CSMD1: variants seen among roughly 807,000 people sequenced by gnomAD.
The protein encoded by CSMD1 is CUB and sushi domain-containing protein 1.
A neutral mutation model predicts 417.5 loss-of-function variants in CSMD1; 213 were observed. The ratio of observed to expected loss-of-function variants is 0.51; its 90% CI spans 0.46 to 0.57. The LOEUF (loss-of-function observed/expected upper bound fraction) is 0.57, where lower values mean the gene tolerates loss of function less well. Ranked by LOEUF, CSMD1 falls within the 20% of genes least tolerant of loss-of-function variation. CSMD1 has a pLI of 0.00. For synonymous variants in CSMD1, 2,862 were observed against 1,736.8 expected, an observed-to-expected ratio of 1.65 and a Z score of -16.11; for missense variants, 6,923 against 4,529.7, an observed-to-expected ratio of 1.53 and a Z score of -15.17.
intron 1 of CSMD1, among the ~76,000 whole-genome samples, chr8:4,746,766 G>C (rs1018637986): frequency 2.0e-5 from 3 of 152,150 alleles, no homozygotes; most frequent in African/African-American, 7.2e-5. Flanking sequence ...CTACAGCAGC[G>C]AGGTCATTCT....
intron 3 of CSMD1, among the ~76,000 whole-genome samples, chr8:4,131,590 C>T (rs1213561516): frequency 2.7e-4 from 41 of 151,864 alleles, no homozygotes; most frequent in Admixed American, 2.4e-3. Flanking sequence ...CTGCATAGTC[C>T]CTAATGCTTA....
At chr8:4,118,141 G>C (rs1802267959) in intron 3 of CSMD1, among the ~76,000 whole-genome samples, 1 of 152,078 alleles carries the variant, frequency 6.6e-6, no homozygotes, top group Admixed American at 6.6e-5. Context: ...ACGGCCCTTG[G>C]CAGACTCTCA....
chr8:3,811,480 C>T (rs1173052934), intron 5 of CSMD1, among the ~76,000 whole-genome samples: 1 of 152,030 alleles, frequency 6.6e-6, no homozygotes, highest in Non-Finnish European at 1.5e-5. Flanking sequence ...TGGTTTTTCC[C>T]AACCGAGTGC....
chr8:3,616,981 CAT>C (rs3830252), intron 7 of CSMD1, among the ~76,000 whole-genome samples, 184 bp from the exon 8 acceptor site: 56,828 of 151,790 alleles, frequency 0.37, 10,853 homozygotes, highest in Middle Eastern at 0.49. Flanking sequence ...GAAAATCAAA[CAT>C]GTGTTTTCCA....
intron 1 of CSMD1, among the ~76,000 whole-genome samples, chr8:4,649,280 T>G (rs563896837): frequency 6.6e-6 from 1 of 152,358 alleles, no homozygotes; most frequent in East Asian, 1.9e-4. Context: ...GGAGTGACTA[T>G]TGTATCTGAT....
chr8:4,021,686 T>A (rs926982562), intron 4 of CSMD1, among the ~76,000 whole-genome samples: 8 of 152,216 alleles, frequency 5.3e-5, no homozygotes, highest in African/African-American at 1.9e-4. Flanking sequence ...GCGAAACTTG[T>A]TCGGAGTGAC....
intron 12 of CSMD1, among the ~76,000 whole-genome samples, chr8:3,454,995 G>C (rs1045312427): frequency 1.3e-5 from 2 of 152,140 alleles, no homozygotes; most frequent in African/African-American, 4.8e-5. Flanking sequence ...ATATTTCTTG[G>C]AGGCTTTGTT....
chr8:4,573,253 G>A (rs779475682), intron 2 of CSMD1, among the ~76,000 whole-genome samples: 4 of 152,140 alleles, frequency 2.6e-5, no homozygotes, highest in Non-Finnish European at 4.4e-5. Context: ...CATCTTTGTG[G>A]ATTTATCTAC....
intron 26 of CSMD1, among the ~76,000 whole-genome samples, chr8:3,275,203 G>C (rs1321109632): frequency 6.6e-6 from 1 of 152,154 alleles, no homozygotes; most frequent in African/African-American, 2.4e-5. Context: ...AGTTTGGCTG[G>C]ATATGAAATT....
chr8:3,388,503 G>A (rs1235509576), intron 17 of CSMD1, among the ~76,000 whole-genome samples: 1 of 152,172 alleles, frequency 6.6e-6, no homozygotes, highest in Non-Finnish European at 1.5e-5. Context: ...CAGAACATTA[G>A]AATGAATATC....
rs906281489 is a variant in CSMD1, at chr8:4,231,063, C to T, written c.415+188890G>A. Among the ~76,000 whole-genome samples the T allele has an allele frequency of 9.2e-5, 14 of 152,102 alleles. No individual in the cohort carries two copies. In the East Asian group the frequency reaches 2.5e-3, roughly 27 times the overall value. ...GCTACCGTGGGAAAATTGGGGAAAG[C>T]GTTTTTACAAGGGTTATCCTAAATT... On this transcript the variant is annotated intron_variant, in intron 3 of 69. Coordinates refer to ENST00000635120, the MANE Select transcript of CSMD1 (RefSeq NM_033225.6).
intron 26 of CSMD1, among the ~76,000 whole-genome samples, chr8:3,230,968 A>G (rs1008791480): frequency 2.6e-5 from 4 of 152,168 alleles, no homozygotes; most frequent in African/African-American, 9.7e-5. Flanking sequence ...GAGCCTTATC[A>G]TATCAGTTTC....
At chr8:3,928,349 G>T (rs149293167) in intron 5 of CSMD1, among the ~76,000 whole-genome samples, 1 of 150,744 alleles carries the variant, frequency 6.6e-6, no homozygotes, top group Non-Finnish European at 1.5e-5. Context: ...GTAAACAAAT[G>T]ATATATTGCC....
intron 3 of CSMD1, among the ~76,000 whole-genome samples, chr8:4,155,549 A>C (rs959961408): frequency 6.6e-6 from 1 of 152,188 alleles, no homozygotes; most frequent in Non-Finnish European, 1.5e-5. Flanking sequence ...GTCTTAGGCC[A>C]TGTCTTAGAA....
intron 33 of CSMD1, among the ~76,000 whole-genome samples, chr8:3,195,793 A>C (rs1344038778): frequency 1.3e-5 from 2 of 152,212 alleles, no homozygotes; most frequent in African/African-American, 2.4e-5. Context: ...AAGGCTGAAC[A>C]TATTCAACAT....
chr8:3,312,428 G>C (rs535557508), intron 23 of CSMD1, among the ~76,000 whole-genome samples: 16 of 152,256 alleles, frequency 1.1e-4, no homozygotes, highest in South Asian at 2.1e-4. Flanking sequence ...CTCTAGGCTT[G>C]TGTGATGTCT....
intron 1 of CSMD1, among the ~76,000 whole-genome samples, chr8:4,660,490 T>A (rs370273317): frequency 2.6e-5 from 4 of 152,168 alleles, no homozygotes; most frequent in South Asian, 4.1e-4. Flanking sequence ...TTACAAATCC[T>A]AACCCAACTT....
intron 3 of CSMD1, among the ~76,000 whole-genome samples, chr8:4,034,912 C>T (rs978356599): frequency 6.6e-6 from 1 of 152,118 alleles, no homozygotes; most frequent in Non-Finnish European, 1.5e-5. Flanking sequence ...CCACAATGAC[C>T]AGTCATTGTC....
chr8:2,959,140 A>G (rs1338537390), intron 62 of CSMD1, among the ~76,000 whole-genome samples: 2 of 152,204 alleles, frequency 1.3e-5, no homozygotes, highest in East Asian at 1.9e-4. Context: ...GCCTCTCTCT[A>G]TTGCCCAGAG....
Sources: gnomAD v4.1 joint callset for allele counts (sites outside exome capture counted in the v4.1 genomes callset) on GRCh38, gnomAD v4.1.1 for gene constraint, MANE v1.5 for transcripts, NCBI Gene and HGNC (gene_info 2026-07-23, HGNC 2026-07-21) for gene names.